WSCD2: variants seen among roughly 807,000 people sequenced by gnomAD.
The protein encoded by WSCD2 is sialate:O-sulfotransferase 2.
A neutral mutation model predicts 55.7 loss-of-function variants in WSCD2; 28 were observed. The observed-to-expected ratio is 0.50, with a 90% CI of 0.37 to 0.69. The LOEUF (loss-of-function observed/expected upper bound fraction) is 0.69, where lower values mean the gene tolerates loss of function less well. Among genes scored for constraint, WSCD2 ranks in the 30% least tolerant of loss-of-function variants. The pLI is 0.00. For synonymous variants in WSCD2, 301 were observed against 301.9 expected (o/e 1.00, Z 0.03); for missense variants, 616 against 762.1 (o/e 0.81, Z 2.26).
chr12:108,216,750 C>T (rs576189761), intron 4 of WSCD2, among the ~76,000 whole-genome samples: 7 of 152,342 alleles, frequency 4.6e-5, no homozygotes, highest in East Asian at 1.9e-4. Flanking sequence ...AAACCTCAGA[C>T]GTGTTCCACC....
At chr12:108,154,158 C>G (rs1878300787) in intron 1 of WSCD2, among the ~76,000 whole-genome samples, 2 of 152,146 alleles carry the variant, frequency 1.3e-5, no homozygotes, top group South Asian at 4.1e-4. Context: ...GTATTAGTTT[C>G]CAATAGCTGC....
chr12:108,174,945 A>T (rs1204006796), intron 1 of WSCD2, among the ~76,000 whole-genome samples: 1 of 152,182 alleles, frequency 6.6e-6, no homozygotes, highest in East Asian at 1.9e-4. Context: ...TAAAATGGAA[A>T]TGTGTCAGTC....
intron 5 of WSCD2, among the ~76,000 whole-genome samples, chr12:108,225,755 C>A (rs1441635247): frequency 6.6e-6 from 1 of 152,162 alleles, no homozygotes; most frequent in African/African-American, 2.4e-5. Context: ...TTGTGCCCCC[C>A]TTCAATACCC....
intron 1 of WSCD2, among the ~76,000 whole-genome samples, chr12:108,143,266 G>C (rs1170060360): frequency 1.3e-5 from 2 of 152,184 alleles, no homozygotes; most frequent in African/African-American, 4.8e-5. Flanking sequence ...TTCTGAAATT[G>C]AGACCTACAG....
intron 1 of WSCD2, chr12:108,189,286 T>C (rs572356620): frequency 6.6e-6 from 1 of 152,278 alleles, no homozygotes; most frequent in Non-Finnish European, 1.5e-5. Context: ...GGGTGTATTA[T>C]TGAGTCATCT....
At chr12:108,160,718 G>T (rs1395717362) in intron 1 of WSCD2, among the ~76,000 whole-genome samples, 1 of 152,186 alleles carries the variant, frequency 6.6e-6, no homozygotes, top group Non-Finnish European at 1.5e-5. Context: ...AACCATGTCA[G>T]ATATGATATA....
chr12:108,184,288 G>T (rs1185403568), intron 1 of WSCD2, among the ~76,000 whole-genome samples: 1 of 152,148 alleles, frequency 6.6e-6, no homozygotes, highest in African/African-American at 2.4e-5. Context: ...GTGGGCTGGG[G>T]AGCACAGAGA....
intron 1 of WSCD2, among the ~76,000 whole-genome samples, chr12:108,170,216 A>C (rs1880095445): frequency 6.6e-6 from 1 of 152,092 alleles, no homozygotes; most frequent in Admixed American, 6.6e-5. Context: ...GTTATGGGTT[A>C]GTTTTAGCAC....
chr12:108,180,521 G>A (rs1881582201), intron 1 of WSCD2, among the ~76,000 whole-genome samples: 1 of 152,236 alleles, frequency 6.6e-6, no homozygotes, highest in African/African-American at 2.4e-5. Context: ...ATGAATGGAT[G>A]AGCTGTAGTT....
At chr12:108,142,510 G>C (rs1486583449) in intron 1 of WSCD2, among the ~76,000 whole-genome samples, 2 of 152,206 alleles carry the variant, frequency 1.3e-5, no homozygotes, top group African/African-American at 4.8e-5. Flanking sequence ...TCACAGTTGT[G>C]TGGCCTTGGA....
chr12:108,160,099 T>A (rs2136937130), intron 1 of WSCD2, among the ~76,000 whole-genome samples: 1 of 152,246 alleles, frequency 6.6e-6, no homozygotes, highest in East Asian at 1.9e-4. Context: ...TGCTTGGCCT[T>A]TAGAGGCTGC....
chr12:108,232,881 C>A lies in WSCD2; in HGVS notation c.1130C>A (p.Ser377Tyr), dbSNP rs755715310. ...ACTGGCAGCTACTACTTCGATGGCTCCCTCTACAACAAAGGTGAGGAGATG... is the reference window on the plus strand; with the variant it reads ...ACTGGCAGCTACTACTTCGATGGCTACCTCTACAACAAAGGTGAGGAGATG... ...FYTGSYYFDG[S>Y]LYNKGFKGER... The change falls in exon 7 of 9, where the codon TCC (serine) becomes TAC (tyrosine). Residue 377 changes from serine (S) to tyrosine (Y), a missense_variant. Coordinates refer to ENST00000547525, the MANE Select transcript of WSCD2 (RefSeq NM_014653.4). 2 of 1,612,542 alleles carry A rather than the reference C, an allele frequency of 1.2e-6. No homozygotes were observed. Among genetic ancestry groups the A allele is most frequent in the African/African-American group, 2.7e-5 (2 of 74,894 alleles).
rs1422113089 is a variant in WSCD2 at position 108,210,935 on chromosome 12, AGGAG to A, written c.682+635_682+638del. The stretch of plus-strand genomic sequence containing the variant: ...TCTCTCTGATTTCCAAACCAACAGA[AGGAG>A]GGAGTGAATAAGAGGACAGGAGCTG... On this transcript the variant is annotated intron_variant, in intron 4 of 8. Coordinates refer to ENST00000547525, the MANE Select transcript of WSCD2 (RefSeq NM_014653.4). The surrounding 1 kb of genome is among the most constrained non-coding windows in gnomAD (Gnocchi z 4.3). Among the ~76,000 whole-genome samples, 2 of 152,312 alleles carry A rather than the reference AGGAG, an allele frequency of 1.3e-5. No homozygotes were observed. The highest frequency in any genetic ancestry group is 3.9e-4 in the East Asian group (2 of 5,182).
At chr12:108,232,317 C>T (rs1374757319) in intron 6 of WSCD2, among the ~76,000 whole-genome samples, 1 of 151,976 alleles carries the variant, frequency 6.6e-6, no homozygotes, top group African/African-American at 2.4e-5. Context: ...CCGCAAAATA[C>T]AAGAATAACA....
chr12:108,248,935 C>G lies in WSCD2; in HGVS notation c.*592C>G. 1 of 986,030 alleles carries G rather than the reference C, an allele frequency of 1.0e-6. No individual in the cohort carries two copies. Among genetic ancestry groups the G allele is most frequent in the Non-Finnish European group, 1.2e-6 (1 of 829,862 alleles). 61.1% of individuals were successfully genotyped at this position (986,030 alleles called of 1,614,324 possible). On this transcript the variant is annotated 3_prime_UTR_variant, in exon 9 of 9. Coordinates refer to ENST00000547525, the MANE Select transcript of WSCD2 (RefSeq NM_014653.4). The surrounding 1 kb of genome is among the most constrained non-coding windows in gnomAD (Gnocchi z 4.3). ...GATAGTGTGGGGAGGTAATGGTGCT[C>G]ACAGTAGGTTAATTGGAGACACCAT...
intron 1 of WSCD2, among the ~76,000 whole-genome samples, chr12:108,150,552 A>G (rs1037689895): frequency 5.3e-5 from 8 of 152,150 alleles, no homozygotes; most frequent in Admixed American, 1.3e-4. Flanking sequence ...AAAGTCCCCT[A>G]CAGAGGGTGG....
intron 8 of WSCD2, among the ~76,000 whole-genome samples, chr12:108,241,123 A>C (rs933347899): frequency 6.6e-6 from 1 of 151,914 alleles, no homozygotes. Context: ...TTCAATGAAC[A>C]CTCCCAGGAA....
Position 108,248,420 on chromosome 12 carries a change from C to G in WSCD2, c.*77C>G. On this transcript the variant is annotated 3_prime_UTR_variant, in exon 9 of 9. Coordinates refer to ENST00000547525, the MANE Select transcript of WSCD2 (RefSeq NM_014653.4). This position sits in a 1 kb window ranked among gnomAD's most constrained non-coding sequence, Gnocchi z 4.3. ...GGGGACTCAAGACCCCTGGTTACCCCCACTCATCTGTCCTCTCTTTGGTCT... is the reference window on the plus strand; with the variant it reads ...GGGGACTCAAGACCCCTGGTTACCCGCACTCATCTGTCCTCTCTTTGGTCT... 6.6e-7 allele frequency: 1 copy of G among 1,517,946 alleles called. No homozygotes were observed. The highest frequency in any genetic ancestry group is 8.8e-7 in the Non-Finnish European group (1 of 1,131,966). The allele number at this position is 1,517,946 out of a possible 1,614,324, so 94.0% of individuals were successfully genotyped here.
chr12:108,230,383 GCAGGAACAATAC>G (rs2137185821), intron 6 of WSCD2, among the ~76,000 whole-genome samples: 1 of 152,272 alleles, frequency 6.6e-6, no homozygotes, highest in Admixed American at 6.5e-5. Context: ...CCTCCAGCTA[GCAGGAACAATAC>G]CAGGAACCAC....
Sources: gnomAD v4.1 joint callset for allele counts (sites outside exome capture counted in the v4.1 genomes callset) on GRCh38, gnomAD v4.1.1 for gene constraint, Gnocchi (gnomAD v3.1) non-coding constraint, MANE v1.5 for transcripts, NCBI Gene and HGNC (gene_info 2026-07-23, HGNC 2026-07-21) for gene names.